The following PCAT7 variants were observed in gnomAD, a reference collection of about 807,000 sequenced individuals.
The protein encoded by PCAT7 is prostate cancer associated transcript 7 (non-protein coding).
At chr9:94,567,225 G>A (rs946948601) in intron 2 of PCAT7, 6 of 1,609,542 alleles carry the variant, frequency 3.7e-6, no homozygotes, top group South Asian at 3.3e-5. Flanking sequence ...AGGACCCCAT[G>A]GGGACAGCAT....
exon 1 of PCAT7, chr9:94,555,065 C>G (rs936845245): frequency 1.3e-5 from 2 of 152,152 alleles, no homozygotes; most frequent in Non-Finnish European, 2.9e-5. Flanking sequence ...GTCTAGGAAC[C>G]GGCATGCGCA....
chr9:94,562,088 G>A (rs553260273), intron 2 of PCAT7, among the ~76,000 whole-genome samples: 39 of 152,078 alleles, frequency 2.6e-4, no homozygotes, highest in Admixed American at 5.9e-4. Flanking sequence ...AAGGCGGGCG[G>A]ATCACGAGGT....
At chr9:94,563,686 G>A (rs1827143214) in intron 2 of PCAT7, among the ~76,000 whole-genome samples, 1 of 151,978 alleles carries the variant, frequency 6.6e-6, no homozygotes, top group Non-Finnish European at 1.5e-5. Flanking sequence ...ACTGCTTAAA[G>A]TATGAGACAA....
upstream of PCAT7, among the ~76,000 whole-genome samples, chr9:94,554,624 G>A (rs989175550): frequency 1.3e-4 from 19 of 151,538 alleles, no homozygotes; most frequent in Middle Eastern, 3.4e-3. Flanking sequence ...CAACCGCAGC[G>A]AGGCGAGCCG....
At chr9:94,570,382 ACT>A (rs1407882777) in intron 2 of PCAT7, 3 of 152,064 alleles carry the variant, frequency 2.0e-5, no homozygotes, top group Admixed American at 6.6e-5. Context: ...CAAGTTACTC[ACT>A]CTCTCTACGC....
At chr9:94,567,436 G>C (rs202125739) in intron 2 of PCAT7, 1 of 1,583,414 alleles carries the variant, frequency 6.3e-7, no homozygotes, top group Non-Finnish European at 8.5e-7. Context: ...ATGCCAGGAA[G>C]AAGAGAGAAG....
intron 2 of PCAT7, among the ~76,000 whole-genome samples, chr9:94,561,718 C>T (rs1412621397): frequency 6.6e-6 from 1 of 152,166 alleles, no homozygotes; most frequent in Admixed American, 6.5e-5. Flanking sequence ...GATGCAGACA[C>T]ACACAGGATA....
chr9:94,564,315 T>C (rs1827154185), intron 2 of PCAT7, among the ~76,000 whole-genome samples: 1 of 152,194 alleles, frequency 6.6e-6, no homozygotes, highest in South Asian at 2.1e-4. Flanking sequence ...ACTGGGTATA[T>C]ACCCAAAGGA....
At chr9:94,562,140 T>C (rs1364303756) in intron 2 of PCAT7, among the ~76,000 whole-genome samples, 1 of 151,526 alleles carries the variant, frequency 6.6e-6, no homozygotes, top group Non-Finnish European at 1.5e-5. Flanking sequence ...TGAAACCCCG[T>C]CTCTACTAAA....
At chr9:94,555,574 A>G (rs1826995921) in intron 1 of PCAT7, among the ~76,000 whole-genome samples, 1 of 141,820 alleles carries the variant, frequency 7.1e-6, no homozygotes, top group South Asian at 2.6e-4. Context: ...GGGAAGAGGA[A>G]AGAGTGGTGA....
chr9:94,560,277 A>G (rs1827077330), intron 2 of PCAT7, among the ~76,000 whole-genome samples: 2 of 152,216 alleles, frequency 1.3e-5, no homozygotes, highest in Admixed American at 1.3e-4. Flanking sequence ...GGCCTTCTCT[A>G]ACCCTCCTGC....
chr9:94,565,599 C>T (rs1417512850), intron 2 of PCAT7, among the ~76,000 whole-genome samples: 1 of 152,044 alleles, frequency 6.6e-6, no homozygotes, highest in East Asian at 1.9e-4. Flanking sequence ...AGAGATGGAA[C>T]CCATATTCCT....
intron 2 of PCAT7, chr9:94,567,525 C>A: frequency 8.0e-7 from 1 of 1,244,208 alleles, no homozygotes; most frequent in Non-Finnish European, 1.1e-6. Context: ...TGGGGCTTGG[C>A]TGTGGTCACT....
intron 2 of PCAT7, chr9:94,568,888 C>G (rs1339532545): frequency 6.6e-6 from 1 of 152,262 alleles, no homozygotes; most frequent in Non-Finnish European, 1.5e-5. Flanking sequence ...CTCTCTTCCT[C>G]AAATCCTCTT....
intron 2 of PCAT7, among the ~76,000 whole-genome samples, chr9:94,566,582 CTG>C (rs757454577): frequency 6.6e-5 from 10 of 152,208 alleles, no homozygotes; most frequent in Non-Finnish European, 1.3e-4. Context: ...GCTCTCAACT[CTG>C]AAGGCTGTGA....
At chr9:94,565,273 G>A (rs1010430998) in intron 2 of PCAT7, among the ~76,000 whole-genome samples, 1 of 151,462 alleles carries the variant, frequency 6.6e-6, no homozygotes, top group Non-Finnish European at 1.5e-5. Context: ...TACTCGGGAG[G>A]CTGAGGCAGG....
chr9:94,563,266 A>C, intron 2 of PCAT7: 1 of 1,533,536 alleles, frequency 6.5e-7, no homozygotes, highest in Non-Finnish European at 8.9e-7. Flanking sequence ...TGCAGTAGCC[A>C]AACAGCAGGT....
intron 2 of PCAT7, chr9:94,563,491 C>G (rs1827139969): frequency 1.2e-6 from 2 of 1,604,490 alleles, no homozygotes; most frequent in Non-Finnish European, 1.7e-6. Flanking sequence ...GAGACAAGAT[C>G]CAGTGGCTTT....
chr9:94,567,129 C>A (rs1406629439), intron 2 of PCAT7: 28 of 722,744 alleles, frequency 3.9e-5, no homozygotes, highest in Non-Finnish European at 5.6e-5. Flanking sequence ...TGAAGAAAGG[C>A]AGAGTCCATC....
Sources: gnomAD v4.1 joint callset for allele counts (sites outside exome capture counted in the v4.1 genomes callset) on GRCh38, gnomAD v4.1.1 for gene constraint, MANE v1.5 for transcripts, NCBI Gene and HGNC (gene_info 2026-07-23, HGNC 2026-07-21) for gene names.